NR6A1: variants seen among roughly 807,000 people sequenced by gnomAD.
The protein encoded by NR6A1 is retinoic acid receptor-related testis-associated receptor.
In NR6A1, 7 loss-of-function variants were observed where a neutral mutation model predicts 59.1. The observed-to-expected ratio is 0.12, with a 90% CI of 0.07 to 0.22. The LOEUF (loss-of-function observed/expected upper bound fraction) is 0.22, where lower values mean the gene tolerates loss of function less well. NR6A1 is among the 10% of genes least tolerant of loss of function. The pLI is 1.00. For missense variants in NR6A1, 468 were observed against 611.6 expected, an observed-to-expected ratio of 0.77 and a Z score of 2.48; for synonymous variants, 243 against 236.1, an observed-to-expected ratio of 1.03 and a Z score of -0.27.
chr9:124,523,267 A>G (rs1161296393), intron 9 of NR6A1, among the ~76,000 whole-genome samples: 1 of 152,232 alleles, frequency 6.6e-6, no homozygotes, highest in Non-Finnish European at 1.5e-5. Flanking sequence ...TACTAGGGGA[A>G]AAAGAAGCAG....
At chr9:124,640,841 A>G (rs1442221602) in intron 2 of NR6A1, among the ~76,000 whole-genome samples, 2 of 152,148 alleles carry the variant, frequency 1.3e-5, no homozygotes. Flanking sequence ...TAAAAATGTA[A>G]GATCACTTTA....
chr9:124,721,798 TCCAC>T (rs1034440923), intron 2 of NR6A1, among the ~76,000 whole-genome samples: 1 of 152,176 alleles, frequency 6.6e-6, no homozygotes, highest in Non-Finnish European at 1.5e-5. Flanking sequence ...CTTAAAGTCT[TCCAC>T]CATCAGCATT....
At chr9:124,586,152 A>G (rs1834925449) in intron 2 of NR6A1, among the ~76,000 whole-genome samples, 1 of 152,230 alleles carries the variant, frequency 6.6e-6, no homozygotes, top group Non-Finnish European at 1.5e-5. Flanking sequence ...AATACATATC[A>G]TAAGGCTATA....
chr9:124,726,753 G>C (rs1251044410), intron 2 of NR6A1, among the ~76,000 whole-genome samples: 1 of 152,168 alleles, frequency 6.6e-6, no homozygotes, highest in Non-Finnish European at 1.5e-5. Flanking sequence ...ATACACTAAA[G>C]CCTAGTTGAG....
intron 2 of NR6A1, among the ~76,000 whole-genome samples, chr9:124,603,375 T>G (rs1444499322): frequency 6.6e-6 from 1 of 152,214 alleles, no homozygotes; most frequent in African/African-American, 2.4e-5. Context: ...TCACATTTTC[T>G]AACTCTTTCA....
At chr9:124,593,793 G>A (rs150833429) in intron 2 of NR6A1, among the ~76,000 whole-genome samples, 10 of 152,042 alleles carry the variant, frequency 6.6e-5, no homozygotes, top group East Asian at 1.9e-4. Flanking sequence ...CCTCTCTTAC[G>A]GCTCTCTCTC....
At chr9:124,718,892 G>A (rs1352275116) in intron 2 of NR6A1, among the ~76,000 whole-genome samples, 3 of 137,192 alleles carry the variant, frequency 2.2e-5, no homozygotes, top group Non-Finnish European at 3.0e-5. Flanking sequence ...TTGGCTCACT[G>A]CAGCCTCCAC....
At chr9:124,709,092 G>A (rs1332653680) in intron 2 of NR6A1, among the ~76,000 whole-genome samples, 1 of 152,044 alleles carries the variant, frequency 6.6e-6, no homozygotes. Flanking sequence ...TCTCATCTCA[G>A]GCCCAGCAAA....
chr9:124,740,394 T>C (rs1046795306), intron 1 of NR6A1, among the ~76,000 whole-genome samples: 4 of 152,200 alleles, frequency 2.6e-5, no homozygotes, highest in African/African-American at 9.6e-5. Context: ...AATTCAAATG[T>C]TTTAATTAAA....
At chr9:124,526,751 C>T (rs753981928) in intron 8 of NR6A1, 28 bp downstream of exon 8, 24 of 1,610,760 alleles carry the variant, frequency 1.5e-5, no homozygotes, top group Middle Eastern at 1.6e-4. Context: ...GCACTGCAAA[C>T]GTCCCTTTTC....
intron 2 of NR6A1, among the ~76,000 whole-genome samples, chr9:124,651,891 T>C (rs1388085777): frequency 6.6e-6 from 1 of 152,144 alleles, no homozygotes; most frequent in Admixed American, 6.6e-5. Context: ...CAAGTAGACA[T>C]TGGCACCTGA....
At chr9:124,535,064 C>T (rs541896104) in intron 7 of NR6A1, among the ~76,000 whole-genome samples, 22 of 151,996 alleles carry the variant, frequency 1.4e-4, no homozygotes, top group Non-Finnish European at 2.9e-4. Flanking sequence ...GCGGAGCTTG[C>T]AGTGAGCCAA....
At chr9:124,578,008 A>C (rs1272518567) in intron 2 of NR6A1, among the ~76,000 whole-genome samples, 3 of 152,236 alleles carry the variant, frequency 2.0e-5, no homozygotes, top group Non-Finnish European at 4.4e-5. Context: ...GAATGGAAGA[A>C]ACTGGACAAA....
chr9:124,728,006 A>T (rs114934986), intron 2 of NR6A1, among the ~76,000 whole-genome samples: 3,486 of 147,942 alleles, frequency 0.024, 110 homozygotes, highest in East Asian at 0.1. Context: ...TTTATTTTTT[A>T]TTTTTATTTT....
At chr9:124,706,638 T>G (rs756678374) in intron 2 of NR6A1, among the ~76,000 whole-genome samples, 4 of 151,998 alleles carry the variant, frequency 2.6e-5, no homozygotes, top group Non-Finnish European at 5.9e-5. Flanking sequence ...CAGCCTCTCC[T>G]GACATGAGTA....
At chr9:124,563,216 A>G (rs1834129149) in intron 2 of NR6A1, among the ~76,000 whole-genome samples, 2 of 152,342 alleles carry the variant, frequency 1.3e-5, no homozygotes, top group African/African-American at 4.8e-5. Flanking sequence ...TCATGTTTGG[A>G]AAAAAATGAA....
intron 2 of NR6A1, among the ~76,000 whole-genome samples, chr9:124,633,402 CAAAAAAAAAAA>C (rs11337023): frequency 2.7e-5 from 2 of 72,762 alleles, no homozygotes; most frequent in African/African-American, 5.3e-5. Flanking sequence ...AACTCCGTCT[CAAAAAAAAAAA>C]AAAAAAAAAA....
At chr9:124,628,447 A>G (rs1427228800) in intron 2 of NR6A1, among the ~76,000 whole-genome samples, 5 of 151,302 alleles carry the variant, frequency 3.3e-5, no homozygotes, top group Admixed American at 1.3e-4. Context: ...AGGTTCAAGC[A>G]ATTCCCCTGC....
At chr9:124,525,699 C>CTA (rs548256064) in intron 8 of NR6A1, among the ~76,000 whole-genome samples, 8,491 of 147,142 alleles carry the variant, frequency 0.058, 304 homozygotes, top group Middle Eastern at 0.13. Context: ...CTCTCTCTCT[C>CTA]TATATATATA....
Sources: allele counts gnomAD v4.1 joint callset (sites outside exome capture counted in the v4.1 genomes callset), GRCh38; gene constraint gnomAD v4.1.1; transcripts MANE v1.5; gene names NCBI Gene and HGNC (gene_info 2026-07-23, HGNC 2026-07-21).